BTBD9: variants seen among roughly 807,000 people sequenced by gnomAD.
The protein encoded by BTBD9 is BTB/POZ domain-containing protein 9.
A neutral mutation model predicts 64.3 loss-of-function variants in BTBD9; 49 were observed. The ratio of observed to expected loss-of-function variants is 0.76; its 90% CI spans 0.61 to 0.97. The LOEUF (loss-of-function observed/expected upper bound fraction) is 0.97. BTBD9 is among the 50% of genes least tolerant of loss of function. The probability of loss-of-function intolerance (pLI) is 0.00; values close to 1 mark genes in which losing one functional copy is unlikely to be tolerated. For missense variants in BTBD9, 598 were observed against 762.1 expected, an observed-to-expected ratio of 0.78 and a Z score of 2.53; for synonymous variants, 260 against 274.7, an observed-to-expected ratio of 0.95 and a Z score of 0.53.
At chr6:38,210,473 C>T (rs879771446) in intron 9 of BTBD9, among the ~76,000 whole-genome samples, 9 of 151,422 alleles carry the variant, frequency 5.9e-5, no homozygotes, top group Non-Finnish European at 1.0e-4. Flanking sequence ...AAAGCAAATT[C>T]GTGTTTCTTC....
chr6:38,625,171 T>G (rs1778126143), intron 1 of BTBD9, among the ~76,000 whole-genome samples: 2 of 152,196 alleles, frequency 1.3e-5, no homozygotes, highest in Admixed American at 1.3e-4. Flanking sequence ...GAGAAAATCA[T>G]CATCATCTAG....
intron 6 of BTBD9, among the ~76,000 whole-genome samples, chr6:38,440,635 C>T (rs1435114411): frequency 5.3e-5 from 8 of 152,118 alleles, no homozygotes; most frequent in Non-Finnish European, 1.0e-4. Context: ...AAAAAGCAAG[C>T]AACACTAATG....
At chr6:38,407,070 C>G (rs1015695658) in intron 6 of BTBD9, among the ~76,000 whole-genome samples, 2 of 152,178 alleles carry the variant, frequency 1.3e-5, no homozygotes, top group Admixed American at 6.5e-5. Flanking sequence ...TGGGAGTGAA[C>G]AAGAAGAAAG....
intron 1 of BTBD9, among the ~76,000 whole-genome samples, chr6:38,607,331 C>T (rs565640659): frequency 2.6e-5 from 4 of 152,136 alleles, no homozygotes; most frequent in African/African-American, 7.2e-5. Flanking sequence ...CATATACTGA[C>T]GATATATGTC....
chr6:38,462,450 T>C (rs1770141248), intron 6 of BTBD9, among the ~76,000 whole-genome samples: 1 of 152,260 alleles, frequency 6.6e-6, no homozygotes, highest in African/African-American at 2.4e-5. Flanking sequence ...TGAAAAGCAG[T>C]TGTCCATAAT....
chr6:38,549,328 C>T (rs1194319060), intron 6 of BTBD9, among the ~76,000 whole-genome samples: 1 of 152,220 alleles, frequency 6.6e-6, no homozygotes, highest in Non-Finnish European at 1.5e-5. Context: ...ACTGTGCTAG[C>T]ACAGAAGCAC....
chr6:38,269,098 A>AC (rs1765116165), intron 8 of BTBD9, among the ~76,000 whole-genome samples: 1 of 152,246 alleles, frequency 6.6e-6, no homozygotes, highest in Non-Finnish European at 1.5e-5. Flanking sequence ...AACACTTAGA[A>AC]TAAGTACATT....
At chr6:38,374,307 G>GTGTATATA (rs1554143563) in intron 6 of BTBD9, among the ~76,000 whole-genome samples, 7 of 59,086 alleles carry the variant, frequency 1.2e-4, no homozygotes, top group African/African-American at 4.0e-4. Flanking sequence ...GTATATATAT[G>GTGTATATA]TATATATATA....
intron 10 of BTBD9, among the ~76,000 whole-genome samples, chr6:38,187,232 GT>G (rs1761857397): frequency 6.6e-6 from 1 of 152,186 alleles, no homozygotes; most frequent in East Asian, 1.9e-4. Flanking sequence ...TATTTTAGAC[GT>G]GAGAAACTTA....
At chr6:38,548,614 C>T (rs1019402540) in intron 6 of BTBD9, among the ~76,000 whole-genome samples, 2 of 151,932 alleles carry the variant, frequency 1.3e-5, no homozygotes, top group Non-Finnish European at 2.9e-5. Context: ...TCCCAACTCA[C>T]GCATTAATCT....
intron 8 of BTBD9, among the ~76,000 whole-genome samples, chr6:38,272,193 A>G (rs1765220388): frequency 6.6e-6 from 1 of 152,212 alleles, no homozygotes; most frequent in Non-Finnish European, 1.5e-5. Flanking sequence ...AAAGTCAATA[A>G]ACAATATGTC....
intron 6 of BTBD9, among the ~76,000 whole-genome samples, chr6:38,499,732 T>C (rs1027175247): frequency 6.6e-6 from 1 of 152,126 alleles, no homozygotes; most frequent in Non-Finnish European, 1.5e-5. Flanking sequence ...CAAAACACCA[T>C]AGATTATTTC....
intron 6 of BTBD9, among the ~76,000 whole-genome samples, chr6:38,397,121 T>C (rs1766717762): frequency 6.6e-6 from 1 of 152,136 alleles, no homozygotes; most frequent in African/African-American, 2.4e-5. Flanking sequence ...AGGCTGGTCT[T>C]GAACTCCTGG....
chr6:38,458,730 C>T (rs976276751), intron 6 of BTBD9, among the ~76,000 whole-genome samples: 7 of 152,184 alleles, frequency 4.6e-5, no homozygotes, highest in African/African-American at 1.7e-4. Context: ...ACTTTGTGGT[C>T]AGAAGCAAGG....
At chr6:38,231,836 C>T (rs957544299) in intron 9 of BTBD9, among the ~76,000 whole-genome samples, 1 of 152,224 alleles carries the variant, frequency 6.6e-6, no homozygotes, top group Non-Finnish European at 1.5e-5. Flanking sequence ...TTCTCTCACC[C>T]ATAAAATGAA....
chr6:38,441,663 C>G (rs796659474), intron 6 of BTBD9, among the ~76,000 whole-genome samples: 8 of 152,080 alleles, frequency 5.3e-5, no homozygotes, highest in African/African-American at 1.9e-4. Context: ...GTGATCCTCC[C>G]ACCTTGGCCT....
At chr6:38,264,741 C>T (rs753489480) in intron 8 of BTBD9, among the ~76,000 whole-genome samples, 8 of 152,162 alleles carry the variant, frequency 5.3e-5, no homozygotes, top group Admixed American at 2.6e-4. Context: ...TGCTGGAGGA[C>T]GCTGAGTCCA....
chr6:38,561,949 G>C (rs1012821083), intron 6 of BTBD9, among the ~76,000 whole-genome samples: 1 of 152,126 alleles, frequency 6.6e-6, no homozygotes, highest in African/African-American at 2.4e-5. Context: ...ATTAGAGAGA[G>C]AGAAAGAGAG....
chr6:38,598,319 C>T (rs1286090308), intron 1 of BTBD9, among the ~76,000 whole-genome samples, 198 bp from the exon 2 acceptor site: 2 of 152,160 alleles, frequency 1.3e-5, no homozygotes, highest in Non-Finnish European at 2.9e-5. Flanking sequence ...CTCCCTTCAT[C>T]ACACTAGCAA....
Sources: allele counts gnomAD v4.1 joint callset (sites outside exome capture counted in the v4.1 genomes callset), GRCh38; gene constraint gnomAD v4.1.1; transcripts MANE v1.5; gene names NCBI Gene and HGNC (gene_info 2026-07-23, HGNC 2026-07-21).